Variants in ADAMTSL1 observed in about 807,000 individuals in gnomAD.
ADAMTSL1 encodes the protein ADAMTS-like protein 1.
In ADAMTSL1, 126 loss-of-function variants were observed where a neutral mutation model predicts 201.8. The ratio of observed to expected loss-of-function variants is 0.62; its 90% CI spans 0.54 to 0.72. The LOEUF (loss-of-function observed/expected upper bound fraction) is 0.72. Ranked by LOEUF, ADAMTSL1 falls within the 30% of genes least tolerant of loss-of-function variation. The pLI is 0.00. For synonymous variants in ADAMTSL1, 1,121 were observed against 903.4 expected, an observed-to-expected ratio of 1.24 and a Z score of -4.32; for missense variants, 2,679 against 2,277.8, an observed-to-expected ratio of 1.18 and a Z score of -3.59.
At chr9:18,510,860 T>C (rs1817982072) in intron 2 of ADAMTSL1, among the ~76,000 whole-genome samples, 1 of 152,126 alleles carries the variant, frequency 6.6e-6, no homozygotes, top group Non-Finnish European at 1.5e-5. Flanking sequence ...GCTGCTCCTC[T>C]CTCCAGTTCT....
chr9:18,605,242 C>T (rs1225593160), intron 4 of ADAMTSL1, among the ~76,000 whole-genome samples: 1 of 152,140 alleles, frequency 6.6e-6, no homozygotes, highest in Non-Finnish European at 1.5e-5. Context: ...GAGTGGCAAC[C>T]TGTTTATCTA....
At chr9:18,658,817 C>G (rs979946464) in intron 8 of ADAMTSL1, among the ~76,000 whole-genome samples, 35 of 152,138 alleles carry the variant, frequency 2.3e-4, no homozygotes, top group Admixed American at 7.9e-4. Flanking sequence ...AACTTTTATG[C>G]TTTTATAATA....
chr9:18,643,055 C>A (rs987376251), intron 7 of ADAMTSL1, among the ~76,000 whole-genome samples: 1 of 151,942 alleles, frequency 6.6e-6, no homozygotes, highest in African/African-American at 2.4e-5. Flanking sequence ...CCCATAGTAT[C>A]AAAGGGTTCC....
intron 2 of ADAMTSL1, among the ~76,000 whole-genome samples, chr9:18,325,775 C>G (rs1208412048): frequency 6.7e-6 from 1 of 149,850 alleles, no homozygotes; most frequent in Non-Finnish European, 1.5e-5. Flanking sequence ...GAGTTTTGCT[C>G]TTTGGCTTAG....
intron 5 of ADAMTSL1, among the ~76,000 whole-genome samples, chr9:18,626,011 C>A (rs16936915): frequency 0.011 from 1,603 of 152,330 alleles, 31 homozygotes; most frequent in African/African-American, 0.037. Context: ...TAATAAAACA[C>A]AGGCCTCTAT....
intron 1 of ADAMTSL1, among the ~76,000 whole-genome samples, chr9:18,486,216 G>C (rs1173278143): frequency 1.3e-5 from 2 of 152,164 alleles, no homozygotes; most frequent in Non-Finnish European, 2.9e-5. Flanking sequence ...TACAGTTAGG[G>C]ATTATTTTTC....
chr9:18,874,380 C>G (rs1313033176), intron 23 of ADAMTSL1, among the ~76,000 whole-genome samples: 1 of 151,914 alleles, frequency 6.6e-6, no homozygotes, highest in African/African-American at 2.4e-5. Flanking sequence ...TGTTCTGGTT[C>G]TCAGGGAGAA....
intron 2 of ADAMTSL1, among the ~76,000 whole-genome samples, chr9:18,403,266 C>T (rs1265807689): frequency 6.6e-6 from 1 of 151,960 alleles, no homozygotes; most frequent in Non-Finnish European, 1.5e-5. Flanking sequence ...TCACTGCAAC[C>T]TTCGCCTCCT....
chr9:17,951,769 A>G (rs1387559564), intron 1 of ADAMTSL1, among the ~76,000 whole-genome samples: 1 of 151,682 alleles, frequency 6.6e-6, no homozygotes, highest in Non-Finnish European at 1.5e-5. Flanking sequence ...TTTATGATAT[A>G]TTTTGTTCTA....
At chr9:17,952,966 T>A (rs1181043103) in intron 1 of ADAMTSL1, among the ~76,000 whole-genome samples, 1 of 150,042 alleles carries the variant, frequency 6.7e-6, no homozygotes, top group Non-Finnish European at 1.5e-5. Context: ...TTCTTCAGAA[T>A]GTCCTAGCTT....
intron 2 of ADAMTSL1, among the ~76,000 whole-genome samples, chr9:18,250,201 A>AT (rs1831411457): frequency 6.6e-6 from 1 of 152,122 alleles, no homozygotes; most frequent in African/African-American, 2.4e-5. Flanking sequence ...CATTCTATAC[A>AT]TTTTTTCAAT....
At chr9:18,514,441 T>C (rs796175539) in intron 2 of ADAMTSL1, among the ~76,000 whole-genome samples, 2 of 149,938 alleles carry the variant, frequency 1.3e-5, no homozygotes, top group African/African-American at 2.5e-5. Context: ...GCCATTCTCC[T>C]GCCTCAGCCT....
chr9:18,721,248 C>T (rs924131517), intron 14 of ADAMTSL1, among the ~76,000 whole-genome samples: 1 of 152,196 alleles, frequency 6.6e-6, no homozygotes, highest in Non-Finnish European at 1.5e-5. Context: ...AGCCTCGTGG[C>T]ATTTTTTTAA....
At chr9:18,768,004 A>G (rs1483716027) in intron 16 of ADAMTSL1, among the ~76,000 whole-genome samples, 1 of 152,242 alleles carries the variant, frequency 6.6e-6, no homozygotes, top group Non-Finnish European at 1.5e-5. Flanking sequence ...CTATGTTTAA[A>G]TGTTGCCTCT....
intron 2 of ADAMTSL1, among the ~76,000 whole-genome samples, chr9:18,305,136 C>T (rs73428957): frequency 3.3e-5 from 5 of 152,172 alleles, no homozygotes; most frequent in African/African-American, 4.8e-5. Context: ...CAAGGGAAGC[C>T]GTGAGGGACT....
chr9:18,890,198 T>G (rs1829157355), intron 25 of ADAMTSL1, among the ~76,000 whole-genome samples: 1 of 152,188 alleles, frequency 6.6e-6, no homozygotes, highest in African/African-American at 2.4e-5. Context: ...GTACTCCAGT[T>G]CAGTTGGGGA....
chr9:17,924,271 G>A (rs553906281), intron 1 of ADAMTSL1, among the ~76,000 whole-genome samples: 2 of 152,074 alleles, frequency 1.3e-5, no homozygotes, highest in African/African-American at 4.8e-5. Flanking sequence ...CTTTTTGGTT[G>A]GTAAACTATT....
chr9:18,582,490 G>A (rs931922876), intron 4 of ADAMTSL1, among the ~76,000 whole-genome samples: 9 of 152,160 alleles, frequency 5.9e-5, no homozygotes, highest in African/African-American at 2.2e-4. Flanking sequence ...AATTATGAGA[G>A]CAGATCTTTC....
chr9:18,900,232 A>G (rs1228682933), intron 26 of ADAMTSL1, among the ~76,000 whole-genome samples: 1 of 152,242 alleles, frequency 6.6e-6, no homozygotes, highest in African/African-American at 2.4e-5. Flanking sequence ...ACAATGAGAT[A>G]ACATCTCATG....
Sources: gnomAD v4.1 joint callset for allele counts (sites outside exome capture counted in the v4.1 genomes callset) on GRCh38, gnomAD v4.1.1 for gene constraint, MANE v1.5 for transcripts, NCBI Gene and HGNC (gene_info 2026-07-23, HGNC 2026-07-21) for gene names.